Variants in SPIN1 observed in about 807,000 individuals in gnomAD.
SPIN1 encodes the protein spindlin 1, also known as spindlin-1.
Under a neutral mutation model 26.0 loss-of-function variants are expected in SPIN1, and 3 were observed. That is an observed-to-expected ratio of 0.12 (90% CI 0.05 to 0.30). The LOEUF (loss-of-function observed/expected upper bound fraction) is 0.30. Ranked by LOEUF, SPIN1 falls within the 10% of genes least tolerant of loss-of-function variation. The pLI is 1.00. For synonymous variants in SPIN1, 101 were observed against 116.5 expected (o/e 0.87, Z 0.86); for missense variants, 126 against 333.4 (o/e 0.38, Z 4.84).
At chr9:88,416,889 C>G (rs1376981561) in intron 1 of SPIN1, 1 of 152,272 alleles carries the variant, frequency 6.6e-6, no homozygotes. Context: ...TCCCAAAGTG[C>G]TGGGATTACA....
At chr9:88,453,395 A>G (rs1828401852) in intron 3 of SPIN1, among the ~76,000 whole-genome samples, 1 of 152,170 alleles carries the variant, frequency 6.6e-6, no homozygotes, top group African/African-American at 2.4e-5. Flanking sequence ...GCTTATAGGA[A>G]TTCTTTTGTT....
At chr9:88,414,692 A>G (rs1827524073) in intron 1 of SPIN1, among the ~76,000 whole-genome samples, 1 of 152,148 alleles carries the variant, frequency 6.6e-6, no homozygotes, top group Non-Finnish European at 1.5e-5. Flanking sequence ...TGTGATTTCT[A>G]TTGTTGAGAA....
At chr9:88,437,516 G>A (rs1411023941) in intron 2 of SPIN1, among the ~76,000 whole-genome samples, 1 of 144,020 alleles carries the variant, frequency 6.9e-6, no homozygotes, top group African/African-American at 2.8e-5. Context: ...AAAAAAAGAA[G>A]GAAAGAAACA....
chr9:88,409,899 CCTT>C (rs1458041956), intron 1 of SPIN1, among the ~76,000 whole-genome samples: 4 of 151,946 alleles, frequency 2.6e-5, no homozygotes, highest in Non-Finnish European at 4.4e-5. Flanking sequence ...CCTTTTCCCT[CCTT>C]CTTAAGTTCA....
rs945340896 is a variant in SPIN1 at position 88,443,301 on chromosome 9, C to G, written c.53-5640C>G. ...CAGTTTTGGAAGTTTTATTAACATG[C>G]CATTAAACTCAGAGGTTCTTTGGTT... On this transcript the variant is annotated intron_variant, in intron 2 of 5. Transcript: ENST00000375859. Among the ~76,000 whole-genome samples the G allele has an allele frequency of 1.3e-4, 19 of 152,000 alleles. 1 individual carries two copies. Among genetic ancestry groups the G allele is most frequent in the Admixed American group, 1.2e-3 (18 of 15,242 alleles).
At chr9:88,472,608 T>G (rs1006900006) in intron 5 of SPIN1, among the ~76,000 whole-genome samples, 2 of 152,172 alleles carry the variant, frequency 1.3e-5, no homozygotes, top group Non-Finnish European at 2.9e-5. Flanking sequence ...TTCGTCTACC[T>G]CAGCCTCCCG....
chr9:88,413,098 GCT>G (rs1283917729), intron 1 of SPIN1, among the ~76,000 whole-genome samples: 3 of 95,540 alleles, frequency 3.1e-5, no homozygotes, highest in Non-Finnish European at 6.0e-5. Context: ...ATGGAGTTTT[GCT>G]CTGTTGCTCA....
chr9:88,452,213 G>A (rs567902189), intron 3 of SPIN1, among the ~76,000 whole-genome samples: 11 of 152,286 alleles, frequency 7.2e-5, no homozygotes, highest in African/African-American at 2.4e-4. Context: ...GCCCTGTCAA[G>A]TAGGAACTGT....
chr9:88,436,706 T>G (rs1828004379), intron 2 of SPIN1, among the ~76,000 whole-genome samples: 2 of 151,910 alleles, frequency 1.3e-5, no homozygotes, highest in South Asian at 4.2e-4. Context: ...CTTTTCAGAT[T>G]GGATTCGTTC....
chr9:88,429,194 T>C (rs1396943256), intron 2 of SPIN1, among the ~76,000 whole-genome samples: 7 of 152,138 alleles, frequency 4.6e-5, no homozygotes, highest in Admixed American at 1.3e-4. Flanking sequence ...TGTAATTCAA[T>C]ACAACACAGC....
intron 3 of SPIN1, 151 bp downstream of exon 3, chr9:88,449,140 A>T: frequency 1.5e-6 from 1 of 675,594 alleles, no homozygotes; most frequent in Non-Finnish European, 2.6e-6. Context: ...GTATGTAGTC[A>T]TCTTCTCTGT....
intron 1 of SPIN1, among the ~76,000 whole-genome samples, chr9:88,388,913 CGGCGCTGCGCAGTCGGGCGCGGGGAGGG>C (rs1430975497): frequency 1.3e-5 from 2 of 149,864 alleles, no homozygotes; most frequent in African/African-American, 4.9e-5. Context: ...CAGGGGGCGG[CGGCGCTGCGCAGTCGGGCGCGGGGAGGG>C]GGCGCTGCGC....
intron 2 of SPIN1, among the ~76,000 whole-genome samples, chr9:88,442,274 T>G (rs1828150330): frequency 6.6e-6 from 1 of 151,928 alleles, no homozygotes; most frequent in East Asian, 1.9e-4. Flanking sequence ...AGTTAGTAGT[T>G]TTTTTTCCTC....
intron 1 of SPIN1, among the ~76,000 whole-genome samples, chr9:88,407,378 C>T (rs955477916): frequency 2.0e-5 from 3 of 151,906 alleles, no homozygotes; most frequent in Non-Finnish European, 2.9e-5. Flanking sequence ...CTGCTGATCC[C>T]TAGTGATCCA....
At chr9:88,405,525 C>G (rs956886534) in intron 1 of SPIN1, among the ~76,000 whole-genome samples, 1 of 145,002 alleles carries the variant, frequency 6.9e-6, no homozygotes, top group Non-Finnish European at 1.5e-5. Flanking sequence ...CAGTGCCTGG[C>G]CTGTACTATC....
At position 88,390,495 on chromosome 9, in the gene SPIN1, T is replaced by C. The variant is rs190269113; in HGVS notation, c.-159+1957T>C. Reference sequence around the variant, plus strand: ...GTTACAACGTTACTGGTTGCACTCCTTCATTGCTAGCATCTTTTTTCTAGT... The same window carrying C: ...GTTACAACGTTACTGGTTGCACTCCCTCATTGCTAGCATCTTTTTTCTAGT... On this transcript the variant is annotated intron_variant, in intron 1 of 5. Coordinates refer to ENST00000375859, the MANE Select transcript of SPIN1 (RefSeq NM_006717.3). 5.8e-4 allele frequency among the ~76,000 whole-genome samples: 89 copies of C among 152,374 alleles called. 1 individual carries two copies. The Middle Eastern group carries it at 0.01, about 17-fold the overall frequency.
chr9:88,427,779 A>G (rs1361760863), intron 2 of SPIN1, among the ~76,000 whole-genome samples: 2 of 151,838 alleles, frequency 1.3e-5, no homozygotes, highest in Non-Finnish European at 2.9e-5. Flanking sequence ...TTGTATTTTT[A>G]GTAGAGATGG....
At chr9:88,468,639 A>G in intron 5 of SPIN1, 34 bp downstream of exon 5, 1 of 1,304,554 alleles carries the variant, frequency 7.7e-7, no homozygotes, top group Non-Finnish European at 1.0e-6. Flanking sequence ...ATATGTGATA[A>G]TTAGAAGGGA....
At chr9:88,399,711 TTGC>T (rs1166219411) in intron 1 of SPIN1, among the ~76,000 whole-genome samples, 1 of 152,146 alleles carries the variant, frequency 6.6e-6, no homozygotes. Flanking sequence ...CACCCTTCAG[TTGC>T]TGCACAAAAA....
Sources: allele counts gnomAD v4.1 joint callset (sites outside exome capture counted in the v4.1 genomes callset), GRCh38; gene constraint gnomAD v4.1.1; transcripts MANE v1.5; gene names NCBI Gene and HGNC (gene_info 2026-07-23, HGNC 2026-07-21).